KCNH7: variants seen among roughly 807,000 people sequenced by gnomAD.
KCNH7 encodes the protein potassium voltage-gated channel subfamily H member 7, also known as voltage-gated inwardly rectifying potassium channel KCNH7.
A neutral mutation model predicts 120.8 loss-of-function variants in KCNH7; 49 were observed. That is an observed-to-expected ratio of 0.41 (90% CI 0.32 to 0.51). The LOEUF is 0.51. KCNH7 is among the 20% of genes least tolerant of loss of function. The pLI is 0.38. For missense variants in KCNH7, 1,097 were observed against 1,446.6 expected (o/e 0.76, Z 3.92); for synonymous variants, 547 against 516.1 (o/e 1.06, Z -0.81).
intron 6 of KCNH7, among the ~76,000 whole-genome samples, chr2:162,461,743 T>C (rs1452736769): frequency 6.6e-6 from 1 of 152,166 alleles, no homozygotes; most frequent in East Asian, 1.9e-4. Context: ...AACTGTTTTG[T>C]AAAAGCCCTC....
At chr2:162,752,954 A>AAAAGAAAAGAAAAGAAAAGAAAAG (rs1559116341) in intron 2 of KCNH7, among the ~76,000 whole-genome samples, 5 of 110,718 alleles carry the variant, frequency 4.5e-5, no homozygotes, top group African/African-American at 2.2e-4. Flanking sequence ...AAAAGAAAAG[A>AAAAGAAAAGAAAAGAAAAGAAAAG]AAAGAAAAGA....
chr2:162,695,279 A>G (rs1411552340), intron 2 of KCNH7, among the ~76,000 whole-genome samples: 1 of 152,112 alleles, frequency 6.6e-6, no homozygotes, highest in Non-Finnish European at 1.5e-5. Flanking sequence ...TAACCAGAAT[A>G]TTTTTATGTC....
At chr2:162,738,397 A>C (rs1026240062) in intron 2 of KCNH7, among the ~76,000 whole-genome samples, 6 of 152,160 alleles carry the variant, frequency 3.9e-5, no homozygotes, top group African/African-American at 1.2e-4. Flanking sequence ...CATAGCCCTT[A>C]TACATTAAGA....
Position 162,395,366 on chromosome 2 carries a change from T to G in KCNH7, c.2614-881A>C, listed in dbSNP as rs77601676. On this transcript the variant is annotated intron_variant, in intron 11 of 15. Coordinates refer to ENST00000332142, the MANE Select transcript of KCNH7 (RefSeq NM_033272.4). ...AAATGACATGGTAATTATCGTAAGG[T>G]TAAATTTCACAACAATAAATATAAG... 2.4e-3 allele frequency among the ~76,000 whole-genome samples: 367 copies of G among 151,824 alleles called. 1 individual carries two copies. Among genetic ancestry groups the G allele is most frequent in the African/African-American group, 8.5e-3 (354 of 41,520 alleles).
intron 5 of KCNH7, among the ~76,000 whole-genome samples, chr2:162,511,685 C>T (rs1691081063): frequency 6.6e-6 from 1 of 151,584 alleles, no homozygotes; most frequent in South Asian, 2.1e-4. Context: ...AATTCATAAC[C>T]ATCACCAGCT....
chr2:162,764,161 T>C (rs1031405524), intron 2 of KCNH7, among the ~76,000 whole-genome samples: 2 of 152,128 alleles, frequency 1.3e-5, no homozygotes, highest in East Asian at 1.9e-4. Context: ...TAAGGTTTCA[T>C]GGAAAACTCA....
chr2:162,513,082 G>GT (rs1040527772), intron 4 of KCNH7, among the ~76,000 whole-genome samples: 18 of 151,754 alleles, frequency 1.2e-4, no homozygotes, highest in Admixed American at 4.6e-4. Context: ...CATGTTAAGT[G>GT]TTTTTTTGCA....
chr2:162,541,701 C>G (rs576832637), intron 2 of KCNH7, among the ~76,000 whole-genome samples: 1 of 151,906 alleles, frequency 6.6e-6, no homozygotes, highest in Non-Finnish European at 1.5e-5. Flanking sequence ...GGCGGGGGAT[C>G]GGGGAAAGGG....
At chr2:162,380,363 G>C (rs1686374512) in intron 13 of KCNH7, among the ~76,000 whole-genome samples, 1 of 152,150 alleles carries the variant, frequency 6.6e-6, no homozygotes, top group African/African-American at 2.4e-5. Context: ...TTTATATCTA[G>C]AAGGAAGCAG....
At chr2:162,676,041 T>C (rs1169448410) in intron 2 of KCNH7, among the ~76,000 whole-genome samples, 3 of 151,426 alleles carry the variant, frequency 2.0e-5, no homozygotes, top group Non-Finnish European at 3.0e-5. Context: ...ACAGAGATGG[T>C]TTGATAAGAA....
chr2:162,377,108 G>A (rs934311781), intron 14 of KCNH7, among the ~76,000 whole-genome samples: 3 of 152,128 alleles, frequency 2.0e-5, no homozygotes, highest in Non-Finnish European at 2.9e-5. Flanking sequence ...AACGTGTCCT[G>A]GGATTCTCGC....
At chr2:162,515,502 C>T (rs1042485243) in intron 4 of KCNH7, among the ~76,000 whole-genome samples, 2 of 151,724 alleles carry the variant, frequency 1.3e-5, no homozygotes, top group African/African-American at 2.4e-5. Context: ...TTTTACTATA[C>T]TACTGTTATA....
chr2:162,811,109 G>T (rs1380200570), intron 2 of KCNH7, among the ~76,000 whole-genome samples: 1 of 152,018 alleles, frequency 6.6e-6, no homozygotes, highest in Non-Finnish European at 1.5e-5. Flanking sequence ...TATAGATGCT[G>T]GTCTTATGTC....
intron 2 of KCNH7, among the ~76,000 whole-genome samples, chr2:162,565,659 G>T (rs1241232757): frequency 6.6e-6 from 1 of 151,956 alleles, no homozygotes; most frequent in East Asian, 1.9e-4. Context: ...ATACATACAA[G>T]GACATTGTGA....
intron 7 of KCNH7, among the ~76,000 whole-genome samples, chr2:162,437,859 C>T (rs1347758732): frequency 6.6e-6 from 1 of 152,080 alleles, no homozygotes; most frequent in East Asian, 1.9e-4. Flanking sequence ...CCGTACTGGC[C>T]TTGCAGCTCG....
chr2:162,503,566 T>A (rs1446395805), intron 6 of KCNH7, among the ~76,000 whole-genome samples: 1 of 151,984 alleles, frequency 6.6e-6, no homozygotes, highest in Admixed American at 6.6e-5. Flanking sequence ...ACATAAGAGG[T>A]TATCTGGAAA....
chr2:162,717,627 C>T (rs969612011), intron 2 of KCNH7, among the ~76,000 whole-genome samples: 4 of 152,024 alleles, frequency 2.6e-5, no homozygotes, highest in African/African-American at 7.2e-5. Flanking sequence ...ATTAAGTTGG[C>T]GTTCCTTAAC....
At chr2:162,660,442 C>A (rs1313504878) in intron 2 of KCNH7, among the ~76,000 whole-genome samples, 5 of 152,002 alleles carry the variant, frequency 3.3e-5, no homozygotes, top group Non-Finnish European at 5.9e-5. Flanking sequence ...TCATTAATTT[C>A]CAGTTTAATT....
chr2:162,634,432 C>T (rs1683884085), intron 2 of KCNH7, among the ~76,000 whole-genome samples: 1 of 152,038 alleles, frequency 6.6e-6, no homozygotes, highest in South Asian at 2.1e-4. Context: ...TGGTACTTAA[C>T]TATATCTTTC....
Sources: gnomAD v4.1 joint callset for allele counts (sites outside exome capture counted in the v4.1 genomes callset) on GRCh38, gnomAD v4.1.1 for gene constraint, MANE v1.5 for transcripts, NCBI Gene and HGNC (gene_info 2026-07-23, HGNC 2026-07-21) for gene names.